The following XPR1 variants were observed in gnomAD, a reference collection of about 807,000 sequenced individuals.
XPR1 encodes xenotropic and polytropic retrovirus receptor 1, also known as solute carrier family 53 member 1.
In XPR1, 28 loss-of-function variants were observed where a neutral mutation model predicts 87.5. The observed-to-expected ratio is 0.32, with a 90% CI of 0.24 to 0.44. The LOEUF (loss-of-function observed/expected upper bound fraction) is 0.44, where lower values mean the gene tolerates loss of function less well. XPR1 is among the 20% of genes least tolerant of loss of function. XPR1 has a pLI of 1.00. For synonymous variants in XPR1, 300 were observed against 306.1 expected, an observed-to-expected ratio of 0.98 and a Z score of 0.21; for missense variants, 559 against 862.3, an observed-to-expected ratio of 0.65 and a Z score of 4.41.
chr1:180,685,323 C>G (rs997412660), intron 2 of XPR1, among the ~76,000 whole-genome samples: 19 of 152,222 alleles, frequency 1.2e-4, no homozygotes, highest in African/African-American at 3.9e-4. Flanking sequence ...GCCTTGCATC[C>G]CAGGGTTGAA....
At chr1:180,650,259 TG>T (rs1655253573) in intron 1 of XPR1, among the ~76,000 whole-genome samples, 1 of 151,886 alleles carries the variant, frequency 6.6e-6, no homozygotes, top group African/African-American at 2.4e-5. Context: ...TTCTTAGAGA[TG>T]GGTTTTGCTT....
At chr1:180,651,241 G>A (rs748611364) in intron 1 of XPR1, among the ~76,000 whole-genome samples, 1 of 151,846 alleles carries the variant, frequency 6.6e-6, no homozygotes. Context: ...ACGGGTGCCC[G>A]CTACCACACC....
At chr1:180,721,641 C>G (rs1260609180) in intron 2 of XPR1, among the ~76,000 whole-genome samples, 2 of 152,160 alleles carry the variant, frequency 1.3e-5, no homozygotes, top group Non-Finnish European at 2.9e-5. Context: ...TAGATGTGAT[C>G]TGTGCAGGTC....
Position 180,787,832 on chromosome 1 carries a change from C to T in XPR1, c.201C>T (p.Ala67=). 1.2e-6 allele frequency: 2 copies of T among 1,612,080 alleles called. No individual in the cohort carries two copies. Among genetic ancestry groups the T allele is most frequent in the East Asian group, 2.2e-5 (1 of 44,802 alleles). Reference sequence around the variant, plus strand: ...TCCAAACCTGTGAAAAAGAACTTGCCAAAATCAACACATTTTATTCAGGTG... The same window carrying T: ...TCCAAACCTGTGAAAAAGAACTTGCTAAAATCAACACATTTTATTCAGGTG... ...KFFQTCEKEL[A]KINTFYSEKL... Residue 67 remains alanine, a synonymous_variant, in exon 3 of 15, where the codon GCC becomes GCT. Coordinates refer to ENST00000367590, the MANE Select transcript of XPR1 (RefSeq NM_004736.4).
chr1:180,862,116 C>T (rs1652244090), intron 11 of XPR1, among the ~76,000 whole-genome samples: 3 of 152,012 alleles, frequency 2.0e-5, no homozygotes, highest in Non-Finnish European at 2.9e-5. Context: ...GAAAATTTAA[C>T]AATTGGCCTC....
intron 2 of XPR1, among the ~76,000 whole-genome samples, chr1:180,747,387 A>G (rs1023808272): frequency 2.6e-5 from 4 of 152,222 alleles, no homozygotes; most frequent in Non-Finnish European, 5.9e-5. Flanking sequence ...CCTCTAATCC[A>G]TTTAGTTGCT....
At chr1:180,782,438 G>A (rs1408325060) in intron 2 of XPR1, among the ~76,000 whole-genome samples, 1 of 151,932 alleles carries the variant, frequency 6.6e-6, no homozygotes, top group East Asian at 1.9e-4. Flanking sequence ...TTCTAGTAAG[G>A]CCTCTTTTCT....
intron 3 of XPR1, among the ~76,000 whole-genome samples, chr1:180,798,384 T>C (rs1649663750): frequency 6.6e-6 from 1 of 152,054 alleles, no homozygotes; most frequent in Non-Finnish European, 1.5e-5. Flanking sequence ...AGCTGAAAAT[T>C]TACTCAGAAT....
At chr1:180,773,282 A>G (rs1363459975) in intron 2 of XPR1, among the ~76,000 whole-genome samples, 1 of 152,156 alleles carries the variant, frequency 6.6e-6, no homozygotes, top group Non-Finnish European at 1.5e-5. Context: ...AACATCATGT[A>G]TTAAGGTCCA....
At chr1:180,749,810 G>A (rs939509446) in intron 2 of XPR1, among the ~76,000 whole-genome samples, 6 of 152,036 alleles carry the variant, frequency 3.9e-5, no homozygotes, top group African/African-American at 7.2e-5. Flanking sequence ...CATGCTTAAC[G>A]TAATCAGGGT....
intron 2 of XPR1, among the ~76,000 whole-genome samples, chr1:180,772,469 A>G (rs1648552205): frequency 6.6e-6 from 1 of 151,762 alleles, no homozygotes; most frequent in African/African-American, 2.4e-5. Context: ...GCTAAGAAAT[A>G]TGTGTGTGTG....
At chr1:180,840,556 GTGTGTGTGTGTATATATATA>G (rs1651469325) in intron 11 of XPR1, among the ~76,000 whole-genome samples, 1 of 134,506 alleles carries the variant, frequency 7.4e-6, no homozygotes, top group Non-Finnish European at 1.6e-5. Context: ...GTGTGTGTGT[GTGTGTGTGTGTATATATATA>G]TATATATATA....
intron 2 of XPR1, among the ~76,000 whole-genome samples, chr1:180,710,940 G>A (rs1249502654): frequency 1.3e-5 from 2 of 150,282 alleles, no homozygotes; most frequent in African/African-American, 2.4e-5. Context: ...CAGACAGGGC[G>A]GCTGCTGGGC....
chr1:180,813,046 C>G (rs1187302903), intron 7 of XPR1, among the ~76,000 whole-genome samples: 4 of 145,784 alleles, frequency 2.7e-5, no homozygotes, highest in African/African-American at 5.0e-5. Context: ...TTTTTCCCCC[C>G]CCCCAATGGA....
chr1:180,718,296 G>A (rs1451594099), intron 2 of XPR1, among the ~76,000 whole-genome samples: 1 of 152,094 alleles, frequency 6.6e-6, no homozygotes, highest in Non-Finnish European at 1.5e-5. Context: ...TTAACATAGA[G>A]TACTTAGGGG....
intron 1 of XPR1, among the ~76,000 whole-genome samples, chr1:180,669,843 A>G (rs1218847686): frequency 1.3e-5 from 2 of 152,132 alleles, no homozygotes; most frequent in African/African-American, 4.8e-5. Context: ...ACTAATAATA[A>G]TATAGAACAG....
At chr1:180,663,882 T>A (rs948017860) in intron 1 of XPR1, among the ~76,000 whole-genome samples, 6 of 152,140 alleles carry the variant, frequency 3.9e-5, no homozygotes, top group Non-Finnish European at 7.4e-5. Context: ...TCCTTCCCTT[T>A]TCTCAGGCAG....
At chr1:180,644,629 C>T (rs952662365) in intron 1 of XPR1, among the ~76,000 whole-genome samples, 2 of 151,850 alleles carry the variant, frequency 1.3e-5, no homozygotes, top group African/African-American at 2.4e-5. Flanking sequence ...TCAGTAATTA[C>T]GATGTTGAGA....
At chr1:180,861,644 G>A (rs1329661169) in intron 11 of XPR1, among the ~76,000 whole-genome samples, 1 of 152,082 alleles carries the variant, frequency 6.6e-6, no homozygotes, top group African/African-American at 2.4e-5. Flanking sequence ...GATTATATCA[G>A]AGCTGGGCTA....
Sources: gnomAD v4.1 joint callset for allele counts (sites outside exome capture counted in the v4.1 genomes callset) on GRCh38, gnomAD v4.1.1 for gene constraint, MANE v1.5 for transcripts, NCBI Gene and HGNC (gene_info 2026-07-23, HGNC 2026-07-21) for gene names.